The following COL4A4 variants were observed in gnomAD, a reference collection of about 807,000 sequenced individuals.
COL4A4 encodes collagen type IV alpha 4 chain, also known as collagen alpha-4(IV) chain.
In COL4A4, 105 loss-of-function variants were observed where a neutral mutation model predicts 192.9. The observed-to-expected ratio is 0.54, with a 90% CI of 0.46 to 0.64. The LOEUF is 0.64. Among genes scored for constraint, COL4A4 ranks in the 30% least tolerant of loss-of-function variants. The probability of loss-of-function intolerance (pLI) is 0.00; values close to 1 mark genes in which losing one functional copy is unlikely to be tolerated. For synonymous variants in COL4A4, 762 were observed against 769.9 expected (o/e 0.99, Z 0.17); for missense variants, 1,967 against 2,169.3 (o/e 0.91, Z 1.85).
chr2:227,081,327 G>A (rs956356344), intron 23 of COL4A4, among the ~76,000 whole-genome samples: 17 of 152,208 alleles, frequency 1.1e-4, no homozygotes, highest in African/African-American at 3.9e-4. Context: ...GGGATAAGCT[G>A]GCTTGCTGAG....
Position 227,041,779 on chromosome 2 carries a change from G to GGA in COL4A4, c.3505+368_3505+369insTC, listed in dbSNP as rs1559476028. ...GGAAGGAAGGAAGGAAGGAAGGAAG[G>GGA]AAGGAAGGGAAAGAAAGAAAGAAAG... On this transcript the variant is annotated intron_variant, in intron 37 of 47. Coordinates refer to ENST00000396625, the MANE Select transcript of COL4A4 (RefSeq NM_000092.5). Among the ~76,000 whole-genome samples the GGA allele has an allele frequency of 5.0e-3, 312 of 62,488 alleles. 11 individuals are homozygous for GGA. The highest frequency in any genetic ancestry group is 0.013 in the East Asian group (23 of 1,780). The allele number at this position is 62,488 out of a possible 152,430, so 41.0% of individuals were successfully genotyped here.
the COL4A4 span, chr2:226,995,632 G>A: frequency 1.2e-5 from 9 of 774,640 alleles, no homozygotes; most frequent in Admixed American, 1.1e-4. Flanking sequence ...AGAGTACACC[G>A]GTATTGCTCC....
intron 27 of COL4A4, 59 bp from the exon 28 acceptor site, chr2:227,059,682 A>C: frequency 8.3e-7 from 1 of 1,201,478 alleles, no homozygotes; most frequent in Admixed American, 1.7e-5. Flanking sequence ...GAACCAATAC[A>C]TATAAGACTT....
At chr2:227,149,587 A>G (rs1402239659) in intron 1 of COL4A4, among the ~76,000 whole-genome samples, 2 of 152,250 alleles carry the variant, frequency 1.3e-5, no homozygotes, top group Non-Finnish European at 2.9e-5. Context: ...CTTGTTTTGG[A>G]AGGAAAACGC....
chr2:227,140,037 TG>T (rs1360625405), intron 4 of COL4A4, 123 bp downstream of exon 4: 7 of 795,620 alleles, frequency 8.8e-6, no homozygotes, highest in Non-Finnish European at 1.5e-5. Flanking sequence ...AAACTTCGGC[TG>T]TGAAATACAT....
Position 227,058,355 on chromosome 2 carries a change from A to G in COL4A4, c.2384-755T>C, listed in dbSNP as rs78572785. 5.7e-3 allele frequency among the ~76,000 whole-genome samples: 868 copies of G among 152,224 alleles called. 4 individuals carry two copies. Among genetic ancestry groups the G allele is most frequent in the African/African-American group, 0.02 (833 of 41,522 alleles). ...CTACAAGGGCATTTTCATATCTATA[A>G]CCTTCTTCCATTGAACACTTCCCTT... On this transcript the variant is annotated intron_variant, in intron 28 of 47. Coordinates refer to ENST00000396625, the MANE Select transcript of COL4A4 (RefSeq NM_000092.5).
intron 8 of COL4A4, 59 bp downstream of exon 8, chr2:227,114,569 C>T: frequency 1.5e-6 from 2 of 1,297,724 alleles, no homozygotes; most frequent in Non-Finnish European, 2.2e-6. Context: ...GTATTTCCTG[C>T]ATGGGCTTAC....
rs771268779 is a variant in COL4A4, at chr2:227,031,928, T to G, written c.3817+17A>C. On this transcript the variant is annotated intron_variant, in intron 40 of 47. Coordinates refer to ENST00000396625, the MANE Select transcript of COL4A4 (RefSeq NM_000092.5). ...ACAAAGGGAGCACTGCCATCCTTTG[T>G]CATGATTCTCTCATACCTCTTGGGC... 1 of 1,567,998 alleles carries G rather than the reference T, an allele frequency of 6.4e-7. No individual in the cohort carries two copies. Among genetic ancestry groups the G allele is most frequent in the Non-Finnish European group, 8.8e-7 (1 of 1,138,708 alleles).
In COL4A4 at chr2:227,089,961, T is replaced by C. The variant is rs1297917394; in HGVS notation, c.1370-4A>G. On this transcript the variant is annotated splice_polypyrimidine_tract_variant and splice_region_variant and intron_variant, in intron 20 of 47. Transcript: ENST00000396625. Reference sequence around the variant, plus strand: ...TTCCCAACACTACAGTATATCACTGTCAAGGAGGTAAGGGGGTGGGCAGAG... The same window carrying C: ...TTCCCAACACTACAGTATATCACTGCCAAGGAGGTAAGGGGGTGGGCAGAG... 2.5e-6 allele frequency: 4 copies of C among 1,610,894 alleles called. No homozygotes were observed. The highest frequency in any genetic ancestry group is 3.4e-6 in the Non-Finnish European group (4 of 1,177,426).
Position 227,060,267 on chromosome 2 carries a change from A to G in COL4A4, c.2057-24T>C. 2.0e-6 allele frequency: 3 copies of G among 1,495,090 alleles called. No individual in the cohort carries two copies. In the African/African-American group the frequency reaches 4.1e-5, roughly 21 times the overall value. The allele number at this position is 1,495,090 out of a possible 1,614,324, so 92.6% of individuals were successfully genotyped here. ...ACCTAAACAATAATAAAAACAAAAC[A>G]CAGACTCAATAAAACAAAATCTAAT... On this transcript the variant is annotated intron_variant, in intron 26 of 47. Coordinates refer to ENST00000396625, the MANE Select transcript of COL4A4 (RefSeq NM_000092.5).
intron 20 of COL4A4, among the ~76,000 whole-genome samples, chr2:227,093,781 C>T (rs575110530): frequency 4.6e-5 from 7 of 152,260 alleles, no homozygotes; most frequent in Admixed American, 2.0e-4. Flanking sequence ...TCCCCTGTCT[C>T]GACAAATCGG....
At chr2:227,144,901 C>A (rs750489942) in intron 2 of COL4A4, among the ~76,000 whole-genome samples, 3 of 152,136 alleles carry the variant, frequency 2.0e-5, no homozygotes, top group Non-Finnish European at 4.4e-5. Context: ...AGGAAGGAGG[C>A]AGCTTTGTTC....
At chr2:227,057,786 C>T (rs189691334) in intron 28 of COL4A4, among the ~76,000 whole-genome samples, 186 bp from the exon 29 acceptor site, 13 of 152,298 alleles carry the variant, frequency 8.5e-5, no homozygotes, top group African/African-American at 2.6e-4. Flanking sequence ...AACAGAGAAA[C>T]AACGCATTGC....
chr2:227,008,939 CAA>C (rs748223248), intron 46 of COL4A4, among the ~76,000 whole-genome samples: 67 of 152,198 alleles, frequency 4.4e-4, no homozygotes, highest in Non-Finnish European at 8.1e-4. Context: ...GACTTTATCC[CAA>C]GAGTTCTGCA....
intron 4 of COL4A4, among the ~76,000 whole-genome samples, chr2:227,127,379 C>T (rs2062151445): frequency 6.6e-6 from 1 of 152,164 alleles, no homozygotes; most frequent in African/African-American, 2.4e-5. Context: ...TTGCGCCTCC[C>T]TAGAGCAGCA....
chr2:227,025,906 G>T, intron 42 of COL4A4, 96 bp from the exon 43 acceptor site: 3 of 1,097,686 alleles, frequency 2.7e-6, no homozygotes, highest in South Asian at 1.3e-5. Context: ...AAATGAAATA[G>T]ATTAAGAACA....
chr2:227,027,813 C>A, intron 42 of COL4A4, 89 bp downstream of exon 42: 1 of 919,944 alleles, frequency 1.1e-6, no homozygotes, highest in South Asian at 1.3e-5. Flanking sequence ...TAAGAATGTG[C>A]TAGTAATTCA....
chr2:227,075,528 T>C (rs2058977217), intron 25 of COL4A4, among the ~76,000 whole-genome samples: 1 of 152,138 alleles, frequency 6.6e-6, no homozygotes, highest in African/African-American at 2.4e-5. Flanking sequence ...CCATAGGCAA[T>C]ATCATACTGA....
chr2:227,120,208 T>C (rs1410275098), intron 5 of COL4A4, among the ~76,000 whole-genome samples: 1 of 152,216 alleles, frequency 6.6e-6, no homozygotes, highest in East Asian at 1.9e-4. Flanking sequence ...ATCTCGATCC[T>C]AGAGTAACAA....
Sources: gnomAD v4.1 joint callset for allele counts (sites outside exome capture counted in the v4.1 genomes callset) on GRCh38, gnomAD v4.1.1 for gene constraint, MANE v1.5 for transcripts, NCBI Gene and HGNC (gene_info 2026-07-23, HGNC 2026-07-21) for gene names.